TENM3: variants seen among roughly 807,000 people sequenced by gnomAD.
TENM3 encodes teneurin-3.
In TENM3, 63 loss-of-function variants were observed where a neutral mutation model predicts 255.1. That is an observed-to-expected ratio of 0.25 (90% CI 0.20 to 0.30). The LOEUF is 0.30. TENM3 is among the 10% of genes least tolerant of loss of function. The pLI is 1.00. For missense variants in TENM3, 2,929 were observed against 3,461.1 expected (o/e 0.85, Z 3.86); for synonymous variants, 1,306 against 1,322.3 (o/e 0.99, Z 0.27).
the TENM3 span, among the ~76,000 whole-genome samples, chr4:181,907,781 C>T: frequency 6.6e-6 from 1 of 152,100 alleles, no homozygotes; most frequent in African/African-American, 2.4e-5. Flanking sequence ...TGAGCAGACC[C>T]CGAACATTCG....
the TENM3 span, among the ~76,000 whole-genome samples, chr4:181,848,353 G>T: frequency 6.6e-6 from 1 of 152,192 alleles, no homozygotes; most frequent in African/African-American, 2.4e-5. Context: ...TGTTGGTGAT[G>T]AAGCCAGAAG....
the TENM3 span, among the ~76,000 whole-genome samples, chr4:181,699,439 T>C: frequency 5.7e-5 from 1 of 17,416 alleles, no homozygotes; most frequent in African/African-American, 1.4e-4. Flanking sequence ...CCAGACCCTG[T>C]CGCAAAAAAA....
At chr4:181,965,365 G>A in the TENM3 span, among the ~76,000 whole-genome samples, 41 of 152,230 alleles carry the variant, frequency 2.7e-4, no homozygotes, top group East Asian at 7.7e-4. Flanking sequence ...TATCATGGAC[G>A]TTTTCAAGCA....
At chr4:182,747,206 A>T (rs1476352618) in intron 19 of TENM3, among the ~76,000 whole-genome samples, 1 of 152,206 alleles carries the variant, frequency 6.6e-6, no homozygotes, top group African/African-American at 2.4e-5. Context: ...ATAAAAATGC[A>T]AACTTTTTAT....
the TENM3 span, among the ~76,000 whole-genome samples, chr4:181,714,262 C>G: frequency 6.6e-6 from 1 of 152,050 alleles, no homozygotes; most frequent in Non-Finnish European, 1.5e-5. Context: ...AGGGTAGGAC[C>G]TCATATGTAC....
the TENM3 span, among the ~76,000 whole-genome samples, chr4:181,942,194 G>A: frequency 6.7e-6 from 1 of 149,938 alleles, no homozygotes; most frequent in East Asian, 2.0e-4. Context: ...TTTGGTATCA[G>A]TTGAAGATCT....
chr4:181,594,643 TC>T, the TENM3 span, among the ~76,000 whole-genome samples: 1 of 152,170 alleles, frequency 6.6e-6, no homozygotes, highest in African/African-American at 2.4e-5. Flanking sequence ...CTCAACGGGT[TC>T]CATGGTTCTT....
chr4:181,737,266 AAAAC>A, the TENM3 span, among the ~76,000 whole-genome samples: 1 of 152,190 alleles, frequency 6.6e-6, no homozygotes, highest in African/African-American at 2.4e-5. Context: ...TTCATGTAGA[AAAAC>A]AAAAAAGTTC....
intron 3 of TENM3, among the ~76,000 whole-genome samples, chr4:182,521,195 T>G (rs1171765152): frequency 1.3e-5 from 2 of 152,208 alleles, no homozygotes; most frequent in Non-Finnish European, 1.5e-5. Context: ...GTAGAATGTT[T>G]CACATATTTC....
chr4:182,760,132 G>T (rs1447488521), intron 22 of TENM3, among the ~76,000 whole-genome samples: 1 of 151,958 alleles, frequency 6.6e-6, no homozygotes, highest in Non-Finnish European at 1.5e-5. Context: ...TAGCTAACAG[G>T]GTCCCCTTGT....
chr4:181,965,080 A>G, the TENM3 span, among the ~76,000 whole-genome samples: 1 of 152,194 alleles, frequency 6.6e-6, no homozygotes, highest in Admixed American at 6.5e-5. Context: ...GATGTGTAAA[A>G]TATTTCCTGA....
At chr4:182,233,783 G>A (rs1311511402) in intron 1 of TENM3, among the ~76,000 whole-genome samples, 5 of 152,190 alleles carry the variant, frequency 3.3e-5, no homozygotes, top group African/African-American at 1.2e-4. Flanking sequence ...ACAAAAAAAG[G>A]AATCACTTTA....
At chr4:182,125,521 T>G in the TENM3 span, among the ~76,000 whole-genome samples, 4 of 152,132 alleles carry the variant, frequency 2.6e-5, no homozygotes, top group African/African-American at 9.7e-5. Flanking sequence ...AAAATTGACG[T>G]TGGGATTTAG....
At chr4:182,208,241 C>T (rs541750688) in intron 1 of TENM3, among the ~76,000 whole-genome samples, 3 of 152,110 alleles carry the variant, frequency 2.0e-5, no homozygotes, top group Admixed American at 6.5e-5. Context: ...GGTAATCACC[C>T]CATTAAGAAG....
intron 3 of TENM3, among the ~76,000 whole-genome samples, chr4:182,566,468 G>A (rs143582312): frequency 6.6e-6 from 1 of 152,280 alleles, no homozygotes; most frequent in East Asian, 1.9e-4. Flanking sequence ...ACTAATGCCT[G>A]CAACTTTGGC....
chr4:181,764,477 T>C, the TENM3 span, among the ~76,000 whole-genome samples: 1 of 152,216 alleles, frequency 6.6e-6, no homozygotes, highest in Non-Finnish European at 1.5e-5. Flanking sequence ...TTTTAGAATA[T>C]CTAAGCTTTG....
chr4:182,039,049 T>C, the TENM3 span, among the ~76,000 whole-genome samples: 1 of 152,108 alleles, frequency 6.6e-6, no homozygotes, highest in East Asian at 1.9e-4. Context: ...TAACATAGTC[T>C]AAAAGATGAA....
chr4:181,721,483 C>T, the TENM3 span, among the ~76,000 whole-genome samples: 1 of 134,026 alleles, frequency 7.5e-6, no homozygotes, highest in Non-Finnish European at 1.6e-5. Context: ...GCCTGTAGTC[C>T]CAGCTACTCG....
intron 3 of TENM3, among the ~76,000 whole-genome samples, chr4:182,368,981 C>A (rs1050690717): frequency 2.0e-5 from 3 of 152,182 alleles, no homozygotes; most frequent in African/African-American, 4.8e-5. Context: ...ATTCAAACAT[C>A]GTTCCCTCAT....
Sources: allele counts gnomAD v4.1 joint callset (sites outside exome capture counted in the v4.1 genomes callset), GRCh38; gene constraint gnomAD v4.1.1; transcripts MANE v1.5; gene names NCBI Gene and HGNC (gene_info 2026-07-23, HGNC 2026-07-21).